Variants in SIRT2 observed in about 807,000 individuals in gnomAD.
SIRT2 encodes the protein sirtuin 2.
SIRT2 carries 40 observed loss-of-function variants against 57.4 expected under a neutral mutation model. That is an observed-to-expected ratio of 0.70 (90% CI 0.54 to 0.91). SIRT2 has a LOEUF of 0.91. SIRT2 is among the 40% of genes least tolerant of loss of function. SIRT2 has a pLI of 0.00. For synonymous variants in SIRT2, 161 were observed against 195.7 expected (o/e 0.82, Z 1.48); for missense variants, 439 against 510.4 (o/e 0.86, Z 1.35).
chr19:38,897,801 C>T (rs919638870), intron 2 of SIRT2, among the ~76,000 whole-genome samples: 7 of 152,186 alleles, frequency 4.6e-5, no homozygotes, highest in African/African-American at 1.7e-4. Flanking sequence ...ACTGGGATTA[C>T]AAGCATGAGC....
At chr19:38,898,276 C>T (rs1010764579) in intron 2 of SIRT2, 103 bp downstream of exon 2, 13 of 789,582 alleles carry the variant, frequency 1.6e-5, no homozygotes, top group Admixed American at 3.6e-5. Context: ...GGCAATGAGC[C>T]GAGGGCCCTG....
At position 38,884,108 on chromosome 19, in the gene SIRT2, T is replaced by TAA. The variant is rs61351914; in HGVS notation, c.502-354_502-353dup. 4.7e-3 allele frequency among the ~76,000 whole-genome samples: 543 copies of TAA among 116,084 alleles called. 2 individuals carry two copies. The highest frequency in any genetic ancestry group is 8.5e-3 in the Non-Finnish European group (462 of 54,384). The allele number at this position is 116,084 out of a possible 152,430, so 76.2% of individuals were successfully genotyped here. ...CAAGACGCTTGTCTCTACAAAAAAT[T>TAA]AAAAAAAAAAAAAAAAAAAAAGGGG... is the stretch of plus-strand genomic sequence containing the variant. On this transcript the variant is annotated intron_variant, in intron 8 of 15. Coordinates refer to ENST00000249396, the MANE Select transcript of SIRT2 (RefSeq NM_012237.4).
intron 4 of SIRT2, chr19:38,890,525 T>G: frequency 4.1e-6 from 1 of 242,248 alleles, no homozygotes; most frequent in Non-Finnish European, 8.2e-6. Flanking sequence ...ACCTCATCTC[T>G]ACTGAAAATA....
intron 8 of SIRT2, among the ~76,000 whole-genome samples, chr19:38,888,590 G>A (rs188327635): frequency 1.9e-3 from 292 of 152,278 alleles, no homozygotes; most frequent in African/African-American, 6.9e-3. Flanking sequence ...TGACGTGTAC[G>A]AGACATGTTT....
chr19:38,899,560 CT>C lies in SIRT2; in HGVS notation c.-40del, dbSNP rs1368919513. 7 of 1,613,788 alleles carry C rather than the reference CT, an allele frequency of 4.3e-6. No homozygotes were observed. Among genetic ancestry groups the C allele is most frequent in the Middle Eastern group, 1.6e-4 (1 of 6,062 alleles). On this transcript the variant is annotated 5_prime_UTR_variant, in exon 1 of 16. Coordinates refer to ENST00000249396, the MANE Select transcript of SIRT2 (RefSeq NM_012237.4). ...AAGCCCTTGAGGCTGTCACCGACCG[CT>C]CTGTCCCGTCACCAACCACTGTGTC...
chr19:38,889,166 G>C lies in SIRT2; in HGVS notation c.433-11C>G, dbSNP rs1002537763. ...GTGACAGATGGTTGGCTGCAGGGAA[G>C]AGCGACAGCACTGCTGACGACTGCA... On this transcript the variant is annotated splice_polypyrimidine_tract_variant and intron_variant, in intron 7 of 15. Transcript: ENST00000249396. The C allele has an allele frequency of 6.2e-6, 10 of 1,612,568 alleles. No individual in the cohort carries two copies. Among genetic ancestry groups the C allele is most frequent in the South Asian group, 1.1e-5 (1 of 91,054 alleles).
chr19:38,881,269 G>A (rs1428169431), intron 10 of SIRT2, 114 bp from the exon 11 acceptor site: 50 of 1,206,614 alleles, frequency 4.1e-5, no homozygotes, highest in Non-Finnish European at 5.6e-5. Context: ...AGTGGGGACC[G>A]GCCAGGGGCA....
intron 8 of SIRT2, among the ~76,000 whole-genome samples, chr19:38,885,112 G>T (rs1027368903): frequency 2.0e-5 from 3 of 151,762 alleles, no homozygotes; most frequent in Non-Finnish European, 2.9e-5. Context: ...TGGAGGCAGG[G>T]TCTTGCTCTG....
At position 38,880,733 on chromosome 19, in the gene SIRT2, T is replaced by TGCCCTG. The variant is rs1166689405; in HGVS notation, c.825-3_827dup (p.Ala276_Pro277insArgAla). 6.2e-7 allele frequency: 1 copy of TGCCCTG among 1,605,288 alleles called. No individual in the cohort carries two copies. The highest frequency in any genetic ancestry group is 8.5e-7 in the Non-Finnish European group (1 of 1,173,982). On this transcript the variant is annotated inframe_insertion, in exon 13 of 16. Transcript: ENST00000249396. This position sits in a 1 kb window ranked among gnomAD's most constrained non-coding sequence, Gnocchi z 4.1. ...TGAGCAGGCGAGGGGTGGAGAGGGG[T>TGCCCTG]GCCCTGTGGGGAGGGGGAGCTAAGG...
At position 38,898,792 on chromosome 19, in the gene SIRT2, A is replaced by T. The variant is rs375922088; in HGVS notation, c.17-367T>A. On this transcript the variant is annotated intron_variant, in intron 1 of 15. Coordinates refer to ENST00000249396, the MANE Select transcript of SIRT2 (RefSeq NM_012237.4). ...GAGCCATTGTTTCTGGCCCTGACTTACTTTCTTTCTTTTTTACTTTTTAGA... is the reference window on the plus strand; with the variant it reads ...GAGCCATTGTTTCTGGCCCTGACTTTCTTTCTTTCTTTTTTACTTTTTAGA... 1.3e-3 allele frequency: 258 copies of T among 206,240 alleles called. 2 individuals are homozygous for T. In the South Asian group the frequency reaches 0.014, roughly 11 times the overall value. 12.8% of individuals were successfully genotyped at this position (206,240 alleles called of 1,614,324 possible).
At chr19:38,879,825 GTTTTTTTGGT>G in intron 13 of SIRT2, 123 bp from the exon 14 acceptor site, 1 of 694,286 alleles carries the variant, frequency 1.4e-6, no homozygotes, top group Non-Finnish European at 2.4e-6. Context: ...TTTTGTTGTT[GTTTTTTTGGT>G]TTTTTTTGAG....
At chr19:38,881,368 G>T (rs945654384) in intron 10 of SIRT2, 64 bp downstream of exon 10, 1 of 1,469,286 alleles carries the variant, frequency 6.8e-7, no homozygotes, top group Non-Finnish European at 9.5e-7. Flanking sequence ...TTTGGGAGGG[G>T]GTCAGGGGGA....
chr19:38,879,730 A>C (rs1450517503), intron 13 of SIRT2, 28 bp from the exon 14 acceptor site: 1 of 1,538,992 alleles, frequency 6.5e-7, no homozygotes, highest in Non-Finnish European at 8.8e-7. Context: ...GGTCAGGGGC[A>C]GGAGCAGGGA....
Position 38,878,919 on chromosome 19 carries a change from G to C in SIRT2, c.*236C>G. On this transcript the variant is annotated 3_prime_UTR_variant, in exon 16 of 16. Coordinates refer to ENST00000249396, the MANE Select transcript of SIRT2 (RefSeq NM_012237.4). Reference sequence around the variant, plus strand: ...TTACTCCTTAGCCCAGGAGTGGTTAGAGACAGTGGGGCTGGTAGAGATGCC... The same window carrying C: ...TTACTCCTTAGCCCAGGAGTGGTTACAGACAGTGGGGCTGGTAGAGATGCC... The C allele has an allele frequency of 2.0e-6, 1 of 497,628 alleles. No individual in the cohort carries two copies. Among genetic ancestry groups the C allele is most frequent in the Non-Finnish European group, 3.5e-6 (1 of 285,278 alleles). The allele number at this position is 497,628 out of a possible 1,614,324, so 30.8% of individuals were successfully genotyped here.
intron 8 of SIRT2, among the ~76,000 whole-genome samples, chr19:38,887,261 C>G (rs1225054872): frequency 6.6e-6 from 1 of 152,162 alleles, no homozygotes; most frequent in Non-Finnish European, 1.5e-5. Context: ...CCATCATCTC[C>G]CTCCCTGCTG....
At chr19:38,898,723 G>A (rs753708129) in intron 1 of SIRT2, 9 of 314,778 alleles carry the variant, frequency 2.9e-5, no homozygotes, top group Non-Finnish European at 4.7e-5. Context: ...GGGCTCAAGC[G>A]ATCCAACCAC....
intron 8 of SIRT2, among the ~76,000 whole-genome samples, chr19:38,887,466 T>G (rs1973378332): frequency 6.6e-6 from 1 of 152,130 alleles, no homozygotes; most frequent in African/African-American, 2.4e-5. Flanking sequence ...GGAGTCTCCC[T>G]ATGTTGCCCA....
chr19:38,899,492 G>A lies in SIRT2; in HGVS notation c.16+14C>T. ...CGGCGCGGCCCGACCCTCCTACCCGGATCCCCGACTCACGGTCTGGCTCTG... is the reference window on the plus strand; with the variant it reads ...CGGCGCGGCCCGACCCTCCTACCCGAATCCCCGACTCACGGTCTGGCTCTG... On this transcript the variant is annotated intron_variant, in intron 1 of 15. Transcript: ENST00000249396. The A allele has an allele frequency of 1.2e-6, 2 of 1,613,210 alleles. No individual in the cohort carries two copies. Among genetic ancestry groups the A allele is most frequent in the Non-Finnish European group, 1.7e-6 (2 of 1,179,854 alleles).
rs577780394 is a variant in SIRT2, at chr19:38,883,617, C to G, written c.631+10G>C. ...AGGAGGCCTGCCCTCAGGATGCCCT[C>G]CAGCCTCACCTTTCATCCAGCTTAG... On this transcript the variant is annotated intron_variant, in intron 9 of 15. Coordinates refer to ENST00000249396, the MANE Select transcript of SIRT2 (RefSeq NM_012237.4). 3.7e-6 allele frequency: 6 copies of G among 1,612,440 alleles called. No individual in the cohort carries two copies. The highest frequency in any genetic ancestry group is 5.1e-6 in the Non-Finnish European group (6 of 1,178,820).
Sources: allele counts gnomAD v4.1 joint callset (sites outside exome capture counted in the v4.1 genomes callset), GRCh38; gene constraint gnomAD v4.1.1; non-coding constraint Gnocchi (gnomAD v3.1); transcripts MANE v1.5; gene names NCBI Gene and HGNC (gene_info 2026-07-23, HGNC 2026-07-21).